The following IL1RAPL1 variants were observed in gnomAD, a reference collection of about 807,000 sequenced individuals.
The protein encoded by IL1RAPL1 is interleukin-1 receptor accessory protein-like 1.
IL1RAPL1 carries 3 observed loss-of-function variants against 48.4 expected under a neutral mutation model. That is an observed-to-expected ratio of 0.06 (90% CI 0.03 to 0.16). IL1RAPL1 has a LOEUF of 0.16. Among genes scored for constraint, IL1RAPL1 ranks in the 10% least tolerant of loss-of-function variants. IL1RAPL1 has a pLI of 1.00. For missense variants in IL1RAPL1, 349 were observed against 530.6 expected (o/e 0.66, Z 3.36); for synonymous variants, 185 against 187.7 (o/e 0.99, Z 0.12).
intron 2 of IL1RAPL1, among the ~76,000 whole-genome samples, chrX:28,909,561 C>G (rs953440217): frequency 9.0e-6 from 1 of 111,398 alleles, no homozygotes; most frequent in African/African-American, 3.2e-5. Flanking sequence ...CTGAACCTTA[C>G]TCAGATGATT....
At chrX:29,049,785 A>C (rs186428066) in intron 2 of IL1RAPL1, among the ~76,000 whole-genome samples, 3 of 112,477 alleles carry the variant, frequency 2.7e-5, no homozygotes, top group African/African-American at 9.7e-5. Flanking sequence ...TTTTACAAAA[A>C]CATTGCAAAG....
chrX:29,859,500 G>A (rs1272338088), intron 6 of IL1RAPL1, among the ~76,000 whole-genome samples: 1 of 111,742 alleles, frequency 8.9e-6, no homozygotes, highest in Non-Finnish European at 1.9e-5. Context: ...CTCTGAATGT[G>A]ATTTTTCCCT....
intron 3 of IL1RAPL1, among the ~76,000 whole-genome samples, chrX:29,363,739 G>A (rs1354561479): frequency 9.0e-6 from 1 of 111,114 alleles, no homozygotes; most frequent in Non-Finnish European, 1.9e-5. Flanking sequence ...GCAGGAGCTA[G>A]CAGGGGAGTG....
chrX:28,626,454 T>C (rs1442629489), intron 1 of IL1RAPL1, among the ~76,000 whole-genome samples: 1 of 111,918 alleles, frequency 8.9e-6, no homozygotes, highest in African/African-American at 3.2e-5. Flanking sequence ...TCCCTCTCCA[T>C]CCCCTCTTTA....
At chrX:29,215,405 A>G (rs1207434852) in intron 2 of IL1RAPL1, among the ~76,000 whole-genome samples, 1 of 111,389 alleles carries the variant, frequency 9.0e-6, no homozygotes, top group Non-Finnish European at 1.9e-5. Flanking sequence ...TGGTATAGAT[A>G]TAAATTGTGT....
chrX:29,264,629 A>T (rs1022961724), intron 2 of IL1RAPL1, among the ~76,000 whole-genome samples: 1 of 110,799 alleles, frequency 9.0e-6, no homozygotes, highest in African/African-American at 3.3e-5. Flanking sequence ...TAAATAATTT[A>T]TAATCTTCAA....
intron 2 of IL1RAPL1, among the ~76,000 whole-genome samples, chrX:28,989,249 A>G (rs778705017): frequency 8.9e-6 from 1 of 112,408 alleles, no homozygotes; most frequent in South Asian, 3.6e-4. Context: ...AACTGTGTCT[A>G]TGGCTGTATC....
At chrX:28,653,501 A>G (rs1934711868) in intron 1 of IL1RAPL1, among the ~76,000 whole-genome samples, 1 of 110,715 alleles carries the variant, frequency 9.0e-6, no homozygotes, top group African/African-American at 3.3e-5. Flanking sequence ...TCTTTGGGTC[A>G]GGCTGCCCTT....
intron 2 of IL1RAPL1, among the ~76,000 whole-genome samples, chrX:28,898,485 T>C (rs1255004789): frequency 3.6e-5 from 4 of 111,182 alleles, no homozygotes; most frequent in African/African-American, 1.3e-4. Context: ...CTTCTTTTTT[T>C]CCCCCTTTTT....
intron 2 of IL1RAPL1, among the ~76,000 whole-genome samples, chrX:28,922,322 G>A (rs1458060966): frequency 1.8e-5 from 2 of 112,068 alleles, no homozygotes; most frequent in East Asian, 5.7e-4. Context: ...GTCCTGCAAT[G>A]TGAAATTCTT....
intron 5 of IL1RAPL1, among the ~76,000 whole-genome samples, chrX:29,512,867 G>A (rs1935407622): frequency 8.9e-6 from 1 of 111,901 alleles, no homozygotes; most frequent in African/African-American, 3.2e-5. Flanking sequence ...ATCTTTTAAA[G>A]ACAGTCTTAT....
chrX:28,649,551 G>T (rs961715638), intron 1 of IL1RAPL1, among the ~76,000 whole-genome samples: 2 of 112,756 alleles, frequency 1.8e-5, no homozygotes. Context: ...GGGAAATAGT[G>T]TGTATACTTG....
At chrX:29,870,518 T>C (rs964423092) in intron 6 of IL1RAPL1, among the ~76,000 whole-genome samples, 2 of 112,155 alleles carry the variant, frequency 1.8e-5, no homozygotes, top group African/African-American at 6.5e-5. Context: ...CATAATTCCC[T>C]GTAGCCAGAG....
intron 1 of IL1RAPL1, among the ~76,000 whole-genome samples, chrX:28,717,718 C>A (rs143966849): frequency 9.0e-6 from 1 of 110,989 alleles, no homozygotes; most frequent in Non-Finnish European, 1.9e-5. Flanking sequence ...GATTGAGATT[C>A]GAAGTGGGGA....
chrX:28,744,790 G>C (rs373720905), intron 1 of IL1RAPL1, among the ~76,000 whole-genome samples: 1 of 111,544 alleles, frequency 9.0e-6, no homozygotes, highest in Non-Finnish European at 1.9e-5. Context: ...CATGGATATG[G>C]ATTGGATTAA....
At chrX:29,941,902 G>C (rs966130857) in intron 9 of IL1RAPL1, 108 bp downstream of exon 9, 8 of 688,659 alleles carry the variant, frequency 1.2e-5, no homozygotes, top group African/African-American at 2.1e-5. Context: ...GCAGCAGCTC[G>C]TATATTCTTT....
At chrX:28,646,116 A>G (rs987319930) in intron 1 of IL1RAPL1, among the ~76,000 whole-genome samples, 1 of 111,799 alleles carries the variant, frequency 8.9e-6, no homozygotes, top group Non-Finnish European at 1.9e-5. Context: ...GTGGAAGACA[A>G]TTTTTCCATG....
chrX:28,951,213 G>A (rs1443534083), intron 2 of IL1RAPL1, among the ~76,000 whole-genome samples: 2 of 105,758 alleles, frequency 1.9e-5, no homozygotes, highest in African/African-American at 6.9e-5. Context: ...CATGGCACAT[G>A]TATACATATG....
intron 2 of IL1RAPL1, among the ~76,000 whole-genome samples, chrX:29,094,115 C>G (rs111696547): frequency 8.9e-6 from 1 of 112,163 alleles, no homozygotes; most frequent in African/African-American, 3.2e-5. Flanking sequence ...TGCACCTATA[C>G]TTTAGTCTGG....
Sources: gnomAD v4.1 joint callset for allele counts (sites outside exome capture counted in the v4.1 genomes callset) on GRCh38, gnomAD v4.1.1 for gene constraint, MANE v1.5 for transcripts, NCBI Gene and HGNC (gene_info 2026-07-23, HGNC 2026-07-21) for gene names.